YTHDF3: variants seen among roughly 807,000 people sequenced by gnomAD.
The protein encoded by YTHDF3 is YTH N6-methyladenosine RNA binding protein F3.
In YTHDF3, 9 loss-of-function variants were observed where a neutral mutation model predicts 52.5. The ratio of observed to expected loss-of-function variants is 0.17; its 90% CI spans 0.10 to 0.30. The LOEUF (loss-of-function observed/expected upper bound fraction) is 0.30. Ranked by LOEUF, YTHDF3 falls within the 10% of genes least tolerant of loss-of-function variation. The pLI, the probability that YTHDF3 is intolerant of heterozygous loss-of-function variation, is 1.00. For missense variants in YTHDF3, 534 were observed against 715.0 expected, an observed-to-expected ratio of 0.75 and a Z score of 2.89; for synonymous variants, 274 against 243.3, an observed-to-expected ratio of 1.13 and a Z score of -1.18.
At chr8:63,169,169 G>A in intron 1 of YTHDF3, 5 of 1,399,704 alleles carry the variant, frequency 3.6e-6, no homozygotes, top group Non-Finnish European at 4.7e-6. Context: ...ACATGGGGCG[G>A]AGACCGGGCG....
intron 3 of YTHDF3, among the ~76,000 whole-genome samples, chr8:63,183,936 C>T (rs1016417797): frequency 2.6e-5 from 4 of 152,130 alleles, no homozygotes; most frequent in African/African-American, 7.2e-5. Flanking sequence ...TATGCACATC[C>T]TCCTGTATAC....
At chr8:63,206,912 CT>C (rs1419384340) in intron 4 of YTHDF3, among the ~76,000 whole-genome samples, 9 of 152,104 alleles carry the variant, frequency 5.9e-5, no homozygotes, top group African/African-American at 2.2e-4. Flanking sequence ...GAAATGTGAT[CT>C]GTGTACTAAT....
At chr8:63,203,204 C>T (rs1809757384) in intron 4 of YTHDF3, among the ~76,000 whole-genome samples, 1 of 151,386 alleles carries the variant, frequency 6.6e-6, no homozygotes, top group Non-Finnish European at 1.5e-5. Context: ...GATTGTGCCA[C>T]CGCACTCCAG....
chr8:63,209,642 A>G (rs1185577985), intron 4 of YTHDF3, 41 bp from the exon 5 acceptor site: 3 of 1,524,186 alleles, frequency 2.0e-6, no homozygotes, highest in Non-Finnish European at 8.8e-7. Context: ...AGAGTTTTTC[A>G]TTGTAATTCT....
chr8:63,174,218 C>T (rs1362130491), intron 2 of YTHDF3, among the ~76,000 whole-genome samples: 1 of 152,110 alleles, frequency 6.6e-6, no homozygotes, highest in African/African-American at 2.4e-5. Flanking sequence ...CTTTTTGTTT[C>T]TAATTTGTAG....
chr8:63,188,216 C>G (rs1408550512), intron 4 of YTHDF3, among the ~76,000 whole-genome samples: 1 of 152,056 alleles, frequency 6.6e-6, no homozygotes, highest in African/African-American at 2.4e-5. Context: ...CGTATAGCCT[C>G]AAGTTCCTGG....
chr8:63,185,874 C>T (rs1225692156), intron 3 of YTHDF3, among the ~76,000 whole-genome samples: 1 of 152,108 alleles, frequency 6.6e-6, no homozygotes, highest in African/African-American at 2.4e-5. Flanking sequence ...GGGCCTGGCT[C>T]TTCAAACAAA....
At chr8:63,199,665 A>G (rs745484708) in intron 4 of YTHDF3, among the ~76,000 whole-genome samples, 1 of 152,150 alleles carries the variant, frequency 6.6e-6, no homozygotes, top group Non-Finnish European at 1.5e-5. Flanking sequence ...AGGAAAGAAT[A>G]TTTTTTCATG....
intron 4 of YTHDF3, among the ~76,000 whole-genome samples, chr8:63,199,257 A>G (rs1344019520): frequency 6.6e-6 from 1 of 152,158 alleles, no homozygotes; most frequent in African/African-American, 2.4e-5. Flanking sequence ...ATTAAATTGG[A>G]CAGAATTTCA....
At position 63,176,428 on chromosome 8, in the gene YTHDF3, C is replaced by T. The variant is rs927909886; in HGVS notation, c.135+1012C>T. On this transcript the variant is annotated intron_variant, in intron 3 of 4. Coordinates refer to ENST00000539294, the MANE Select transcript of YTHDF3 (RefSeq NM_152758.6). ...CGGAGTAGCTGGGACTACAGGCGCC[C>T]GCCACCATGCCCGGGTAATTTTTTT... is the stretch of plus-strand genomic sequence containing the variant. Among the ~76,000 whole-genome samples the T allele has an allele frequency of 3.3e-5, 5 of 151,980 alleles. No homozygotes were observed. In the East Asian group the frequency reaches 7.8e-4, roughly 24 times the overall value.
chr8:63,208,494 C>T (rs919806272), intron 4 of YTHDF3, among the ~76,000 whole-genome samples: 10 of 152,164 alleles, frequency 6.6e-5, no homozygotes, highest in Non-Finnish European at 1.0e-4. Context: ...GTGTCTGGAC[C>T]AGCAGTCCAG....
chr8:63,196,193 G>A (rs962661082), intron 4 of YTHDF3, among the ~76,000 whole-genome samples: 3 of 151,686 alleles, frequency 2.0e-5, no homozygotes, highest in East Asian at 1.9e-4. Context: ...CTGGGAAGTT[G>A]AGGCTGCAGT....
At chr8:63,191,981 A>T (rs1295202815) in intron 4 of YTHDF3, among the ~76,000 whole-genome samples, 2 of 152,162 alleles carry the variant, frequency 1.3e-5, no homozygotes, top group East Asian at 3.8e-4. Context: ...GTATACTTAA[A>T]ATATGTATAT....
intron 3 of YTHDF3, among the ~76,000 whole-genome samples, chr8:63,179,549 C>A (rs909428339): frequency 6.6e-6 from 1 of 152,134 alleles, no homozygotes; most frequent in Non-Finnish European, 1.5e-5. Context: ...GGTCACAGAT[C>A]AACAGGATCC....
At chr8:63,169,947 G>T (rs1807179832) in intron 2 of YTHDF3, among the ~76,000 whole-genome samples, 1 of 152,174 alleles carries the variant, frequency 6.6e-6, no homozygotes, top group Non-Finnish European at 1.5e-5. Flanking sequence ...TGATTGCAAG[G>T]TGTGACTCTA....
chr8:63,212,452 A>G lies in YTHDF3; in HGVS notation c.*2746A>G, dbSNP rs1810416131. The G allele has an allele frequency of 1.3e-5, 2 of 152,750 alleles. No homozygotes were observed. The highest frequency in any genetic ancestry group is 4.1e-4 in the South Asian group (2 of 4,832). The allele number at this position is 152,750 out of a possible 1,614,324, so 9.5% of individuals were successfully genotyped here. A position where few individuals can be genotyped will look rare whatever the true frequency, so the allele number is the denominator to read the frequency against. On this transcript the variant is annotated 3_prime_UTR_variant, in exon 5 of 5. Coordinates refer to ENST00000539294, the MANE Select transcript of YTHDF3 (RefSeq NM_152758.6). ...AGTTTGCAATAAAAAAAAATGAATC[A>G]GCTTAAGTCATTTAATCATTTCAAG...
intron 4 of YTHDF3, among the ~76,000 whole-genome samples, chr8:63,199,625 CAGTT>C: frequency 6.6e-6 from 1 of 152,158 alleles, no homozygotes; most frequent in Non-Finnish European, 1.5e-5. Context: ...ATGTGACATT[CAGTT>C]TCTTAATTTA....
chr8:63,195,686 G>GGAGTTGAA (rs1381178014), intron 4 of YTHDF3, among the ~76,000 whole-genome samples: 2 of 151,980 alleles, frequency 1.3e-5, no homozygotes, highest in Non-Finnish European at 2.9e-5. Context: ...CATGAGCCCA[G>GGAGTTGAA]GAGTTGAAGA....
Position 63,187,588 on chromosome 8 carries a change from A to G in YTHDF3, c.1577A>G (p.Asn526Ser), listed in dbSNP as rs772389646. The G allele has an allele frequency of 1.2e-6, 2 of 1,613,602 alleles. No individual in the cohort carries two copies. The highest frequency in any genetic ancestry group is 1.1e-5 in the South Asian group (1 of 91,026). Residue 526 changes from asparagine to serine, a missense_variant, in exon 4 of 5, where the codon AAC becomes AGC. Asn to Ser is a conservative substitution (Grantham distance 46). This residue lies in a region of YTHDF3 where 135 missense variants were observed against 214.2 expected (regional missense o/e 0.63). Coordinates refer to ENST00000539294, the MANE Select transcript of YTHDF3 (RefSeq NM_152758.6). ...LRHIRLENND[N>S]KPVTNSRDTQ... ...CATATTCGCTTAGAAAATAATGACA[A>G]CAAACCGGTTACCAATTCAAGGGAC...
Sources: gnomAD v4.1 joint callset for allele counts (sites outside exome capture counted in the v4.1 genomes callset) on GRCh38, gnomAD v4.1.1 for gene constraint, gnomAD v4.1.1 regional missense constraint, MANE v1.5 for transcripts, NCBI Gene and HGNC (gene_info 2026-07-23, HGNC 2026-07-21) for gene names.